Variants in CPLX4 observed in about 807,000 individuals in gnomAD.
The protein encoded by CPLX4 is complexin 4.
Under a neutral mutation model 16.1 loss-of-function variants are expected in CPLX4, and 17 were observed. The observed-to-expected ratio is 1.06, with a 90% CI of 0.72 to 1.59. CPLX4 has a LOEUF of 1.59. Ranked by LOEUF, CPLX4 falls within the 40% of genes most tolerant of loss-of-function variation. The probability of loss-of-function intolerance (pLI) is 0.00; values close to 1 mark genes in which losing one functional copy is unlikely to be tolerated. For synonymous variants in CPLX4, 55 were observed against 57.8 expected, an observed-to-expected ratio of 0.95 and a Z score of 0.22; for missense variants, 193 against 192.9, an observed-to-expected ratio of 1.00 and a Z score of 0.00.
At chr18:59,300,810 C>G (rs1225215881) in intron 2 of CPLX4, among the ~76,000 whole-genome samples, 2 of 152,186 alleles carry the variant, frequency 1.3e-5, no homozygotes, top group African/African-American at 2.4e-5. Context: ...GATGTCCTGG[C>G]ACCTTACCTC....
intron 2 of CPLX4, among the ~76,000 whole-genome samples, chr18:59,297,612 G>A (rs1452318026): frequency 6.6e-6 from 1 of 152,114 alleles, no homozygotes; most frequent in African/African-American, 2.4e-5. Context: ...CTTTCTCTCT[G>A]TGATGCTGAT....
chr18:59,313,854 T>C (rs1389918685), intron 1 of CPLX4, among the ~76,000 whole-genome samples: 1 of 150,570 alleles, frequency 6.6e-6, no homozygotes, highest in Non-Finnish European at 1.5e-5. Context: ...TTCTGCTTTC[T>C]GGTTTAGGCC....
At position 59,296,867 on chromosome 18, in the gene CPLX4, T is replaced by C; in HGVS notation, c.314A>G (p.Asp105Gly). 1 of 1,613,726 alleles carries C rather than the reference T, an allele frequency of 6.2e-7. No individual in the cohort carries two copies. The highest frequency in any genetic ancestry group is 8.5e-7 in the Non-Finnish European group (1 of 1,179,962). ...ATCTTCATCTACCATTTTCCGGAGA[T>C]CTTCAGGTAAATCCACATCATCTCC... ...MAGDDVDLPEDLRKMVDEDQE... is the reference protein window; with the variant it reads ...MAGDDVDLPEGLRKMVDEDQE... Residue 105 changes from aspartate to glycine, a missense_variant, in exon 3 of 3, where the codon GAT (aspartate) becomes GGT (glycine). Transcript: ENST00000299721.
chr18:59,297,711 C>T (rs2070511450), intron 2 of CPLX4, among the ~76,000 whole-genome samples: 1 of 152,218 alleles, frequency 6.6e-6, no homozygotes, highest in Non-Finnish European at 1.5e-5. Flanking sequence ...TGCCAAGACC[C>T]ACTCACCTGG....
chr18:59,310,121 A>G (rs1034367601), intron 2 of CPLX4, among the ~76,000 whole-genome samples: 2 of 152,154 alleles, frequency 1.3e-5, no homozygotes, highest in Non-Finnish European at 2.9e-5. Context: ...TGCATTATGC[A>G]TTTGAAACAG....
Position 59,297,049 on chromosome 18 carries a change from C to T in CPLX4, c.256-124G>A. ...ACAGGAAGTGAGTGGCACTCTTGGC[C>T]TTGCAGCAGAGCCTGGTCCTGATGG... On this transcript the variant is annotated intron_variant, in intron 2 of 2. Transcript: ENST00000299721. 6 of 1,429,922 alleles carry T rather than the reference C, an allele frequency of 4.2e-6. No homozygotes were observed. The South Asian group carries it at 8.7e-5, about 21-fold the overall frequency. 88.6% of individuals were successfully genotyped at this position (1,429,922 alleles called of 1,614,324 possible). A position where few individuals can be genotyped will look rare whatever the true frequency, so the allele number is the denominator to read the frequency against.
chr18:59,296,913 C>T lies in CPLX4; in HGVS notation c.268G>A (p.Glu90Lys), dbSNP rs78869871. ...TCTCCAGCCATCTGGATTTGATTCT[C>T]ATCCATTTCACTCTATGTGAAAAAT... Reference protein sequence around the residue: ...KYRLPKSEMDENQIQMAGDDV... With the variant: ...KYRLPKSEMDKNQIQMAGDDV... The change falls in exon 3 of 3, where the codon GAG becomes AAG. Residue 90 changes from glutamate (E) to lysine (K), a missense_variant. By Grantham distance (56) the Glu-to-Lys change is moderately conservative. Transcript: ENST00000299721. 3.7e-6 allele frequency: 6 copies of T among 1,610,582 alleles called. No individual in the cohort carries two copies. Among genetic ancestry groups the T allele is most frequent in the South Asian group, 2.2e-5 (2 of 89,734 alleles).
intron 2 of CPLX4, among the ~76,000 whole-genome samples, chr18:59,302,675 C>G (rs1305582896): frequency 2.6e-5 from 4 of 152,174 alleles, no homozygotes; most frequent in Non-Finnish European, 1.5e-5. Flanking sequence ...CATATCCTAC[C>G]ATTGTCATTT....
In CPLX4 at chr18:59,296,458, AC is replaced by A; in HGVS notation, c.*239del. 1.8e-6 allele frequency: 1 copy of A among 554,478 alleles called. No homozygotes were observed. Among genetic ancestry groups the A allele is most frequent in the Non-Finnish European group, 3.2e-6 (1 of 316,558 alleles). 34.3% of individuals were successfully genotyped at this position (554,478 alleles called of 1,614,324 possible). A position where few individuals can be genotyped will look rare whatever the true frequency, so the allele number is the denominator to read the frequency against. ...TATGTGTTCTGCATCATCATTTACA[AC>A]TGAAATTTTCCAGTTTATCTCATTT... On this transcript the variant is annotated 3_prime_UTR_variant, in exon 3 of 3. Coordinates refer to ENST00000299721, the MANE Select transcript of CPLX4 (RefSeq NM_181654.4).
intron 2 of CPLX4, among the ~76,000 whole-genome samples, chr18:59,302,183 A>G (rs939880087): frequency 1.3e-5 from 2 of 152,186 alleles, no homozygotes; most frequent in Non-Finnish European, 2.9e-5. Flanking sequence ...TGCTGACAGG[A>G]CCTTGTCTGC....
At chr18:59,303,249 G>T (rs1370092381) in intron 2 of CPLX4, among the ~76,000 whole-genome samples, 1 of 152,142 alleles carries the variant, frequency 6.6e-6, no homozygotes, top group Non-Finnish European at 1.5e-5. Flanking sequence ...AGGACAGATG[G>T]TGTGGATTTG....
In CPLX4 at chr18:59,311,729, C is replaced by G. The variant is rs557372652; in HGVS notation, c.255+956G>C. Among the ~76,000 whole-genome samples the G allele has an allele frequency of 3.9e-5, 6 of 152,300 alleles. No homozygotes were observed. In the East Asian group the frequency reaches 9.6e-4, roughly 24 times the overall value. ...GGTAGACAGGTAGTGAAGGTGGAGT[C>G]AGGTGGTATGAGTCAGAGTAGCAAA... On this transcript the variant is annotated intron_variant, in intron 2 of 2. Transcript: ENST00000299721.
chr18:59,312,271 C>T (rs1272789509), intron 2 of CPLX4, among the ~76,000 whole-genome samples: 1 of 151,822 alleles, frequency 6.6e-6, no homozygotes, highest in African/African-American at 2.4e-5. Flanking sequence ...GTATTAACTC[C>T]AGTTTTTTTT....
chr18:59,309,620 G>A (rs1398031249), intron 2 of CPLX4, among the ~76,000 whole-genome samples: 3 of 151,974 alleles, frequency 2.0e-5, no homozygotes, highest in Non-Finnish European at 2.9e-5. Flanking sequence ...TCAGGAGATC[G>A]AGACCATCCT....
At chr18:59,309,550 G>A (rs937491157) in intron 2 of CPLX4, among the ~76,000 whole-genome samples, 1 of 152,148 alleles carries the variant, frequency 6.6e-6, no homozygotes, top group African/African-American at 2.4e-5. Flanking sequence ...GAGGCCGGGC[G>A]CAGTGGCTCA....
intron 2 of CPLX4, among the ~76,000 whole-genome samples, chr18:59,301,109 C>T (rs779425314): frequency 1.3e-5 from 2 of 152,236 alleles, no homozygotes; most frequent in Non-Finnish European, 2.9e-5. Flanking sequence ...CCCTACCCCA[C>T]TCCTCAGGCC....
intron 1 of CPLX4, among the ~76,000 whole-genome samples, chr18:59,314,337 C>T (rs2070638033): frequency 6.7e-6 from 1 of 150,142 alleles, no homozygotes; most frequent in Admixed American, 6.6e-5. Context: ...CTACAATTGG[C>T]ATCTCACTGT....
At position 59,296,914 on chromosome 18, in the gene CPLX4, A is replaced by T. The variant is rs185848311; in HGVS notation, c.267T>A (p.Asp89Glu). Residue 89 changes from aspartate to glutamate, a missense_variant, in exon 3 of 3, where the codon GAT becomes GAA. Physicochemically the swap from Asp to Glu is conservative, Grantham distance 45. Transcript: ENST00000299721. ...EKYRLPKSEM[D>E]ENQIQMAGDD... ...CTCCAGCCATCTGGATTTGATTCTCATCCATTTCACTCTATGTGAAAAATA... is the reference window on the plus strand; with the variant it reads ...CTCCAGCCATCTGGATTTGATTCTCTTCCATTTCACTCTATGTGAAAAATA... The T allele has an allele frequency of 6.5e-4, 1,049 of 1,610,532 alleles. 1 individual carries two copies. The highest frequency in any genetic ancestry group is 8.2e-4 in the Non-Finnish European group (972 of 1,179,386).
chr18:59,312,150 T>C (rs1404361124), intron 2 of CPLX4, among the ~76,000 whole-genome samples: 1 of 152,184 alleles, frequency 6.6e-6, no homozygotes, highest in Non-Finnish European at 1.5e-5. Context: ...CTGTACCTGG[T>C]ACCTAGAAAG....
Sources: gnomAD v4.1 joint callset for allele counts (sites outside exome capture counted in the v4.1 genomes callset) on GRCh38, gnomAD v4.1.1 for gene constraint, MANE v1.5 for transcripts, NCBI Gene and HGNC (gene_info 2026-07-23, HGNC 2026-07-21) for gene names.